Variants in ANK3 observed in about 807,000 individuals in gnomAD.
The protein encoded by ANK3 is ankyrin 3.
Under a neutral mutation model 370.9 loss-of-function variants are expected in ANK3, and 57 were observed. The observed-to-expected ratio is 0.15, with a 90% CI of 0.12 to 0.19. The LOEUF is 0.19. ANK3 is among the 10% of genes least tolerant of loss of function. ANK3 has a pLI of 1.00. For missense variants in ANK3, 4,439 were observed against 5,302.1 expected (o/e 0.84, Z 5.06); for synonymous variants, 1,929 against 1,946.3 (o/e 0.99, Z 0.23).
intron 42 of ANK3, among the ~76,000 whole-genome samples, chr10:60,045,981 A>C (rs1246749048): frequency 6.6e-6 from 1 of 152,044 alleles, no homozygotes; most frequent in African/African-American, 2.4e-5. Context: ...ATAGTTCATG[A>C]CAATGGGCGG....
chr10:60,351,062 A>T (rs1349162848), intron 1 of ANK3, among the ~76,000 whole-genome samples: 1 of 152,246 alleles, frequency 6.6e-6, no homozygotes, highest in Non-Finnish European at 1.5e-5. Flanking sequence ...TTGGAATTTA[A>T]ACAATGACAA....
chr10:60,611,238 A>C (rs2078197339), intron 2 of ANK3, among the ~76,000 whole-genome samples: 1 of 152,120 alleles, frequency 6.6e-6, no homozygotes, highest in Non-Finnish European at 1.5e-5. Flanking sequence ...CAAAATGAAA[A>C]CAGGAGTCTT....
intron 1 of ANK3, among the ~76,000 whole-genome samples, chr10:60,650,364 T>C (rs1198245158): frequency 2.8e-5 from 1 of 35,368 alleles, no homozygotes; most frequent in Admixed American, 3.6e-4. Flanking sequence ...TCTACTACTT[T>C]ACAAAAAAAA....
chr10:60,501,777 C>T (rs75377991), intron 2 of ANK3, among the ~76,000 whole-genome samples: 11,980 of 151,100 alleles, frequency 0.079, 613 homozygotes, highest in South Asian at 0.18. Flanking sequence ...AGTTTGAGAC[C>T]AGCCTGGGTA....
At chr10:60,108,396 T>C in intron 27 of ANK3, 1 of 237,634 alleles carries the variant, frequency 4.2e-6, no homozygotes, top group Non-Finnish European at 8.6e-6. Context: ...CCTCAGAAAA[T>C]GAATTAAATT....
rs530997105 is a variant in ANK3 at position 60,226,249 on chromosome 10, A to G, written c.897+8439T>C. 3.3e-5 allele frequency among the ~76,000 whole-genome samples: 4 copies of G among 120,790 alleles called. No homozygotes were observed. In the South Asian group the frequency reaches 9.7e-4, roughly 29 times the overall value. 79.2% of individuals were successfully genotyped at this position (120,790 alleles called of 152,430 possible). A position where few individuals can be genotyped will look rare whatever the true frequency, so the allele number is the denominator to read the frequency against. ...ATACTATGTATATATACTATATTAT[A>G]TAGTATATGTAATACTATATATACT... On this transcript the variant is annotated intron_variant, in intron 8 of 43. Transcript: ENST00000280772.
chr10:60,510,146 C>T (rs141098631), intron 2 of ANK3, among the ~76,000 whole-genome samples: 46 of 152,114 alleles, frequency 3.0e-4, no homozygotes, highest in African/African-American at 1.1e-3. Context: ...AGTCAAATCT[C>T]CCCTTACAAA....
chr10:60,498,954 C>G (rs1046477072), intron 2 of ANK3, among the ~76,000 whole-genome samples: 1 of 152,182 alleles, frequency 6.6e-6, no homozygotes, highest in Non-Finnish European at 1.5e-5. Context: ...CTTGTCACAT[C>G]AAGCAATTAA....
intron 1 of ANK3, among the ~76,000 whole-genome samples, chr10:60,336,564 G>GATCTATCT (rs78424635): frequency 0.036 from 5,411 of 150,564 alleles, 124 homozygotes; most frequent in Middle Eastern, 0.059. Flanking sequence ...GGAATCTGGA[G>GATCTATCT]ATCTATCTAT....
intron 7 of ANK3, among the ~76,000 whole-genome samples, chr10:60,257,073 G>A (rs910627086): frequency 8.5e-5 from 13 of 152,232 alleles, no homozygotes; most frequent in South Asian, 2.1e-4. Context: ...ACTAATTTAC[G>A]TTCCTACCAA....
chr10:60,060,217 A>G (rs2080105814), intron 40 of ANK3: 1 of 388,368 alleles, frequency 2.6e-6, no homozygotes, highest in African/African-American at 2.1e-5. Context: ...ACTAATTAAG[A>G]TATCAATTGT....
intron 40 of ANK3, 138 bp from the exon 41 acceptor site, chr10:60,059,568 ATCATCTCC>A (rs2079928242): frequency 1.6e-6 from 2 of 1,246,262 alleles, no homozygotes; most frequent in East Asian, 4.7e-5. Flanking sequence ...TTTCTCTTCC[ATCATCTCC>A]TCATCAGGAC....
chr10:60,408,965 T>C (rs1031063545), intron 2 of ANK3, among the ~76,000 whole-genome samples: 13 of 152,156 alleles, frequency 8.5e-5, no homozygotes, highest in African/African-American at 2.9e-4. Flanking sequence ...AAACAAACAG[T>C]CATGGAGCAA....
At chr10:60,367,727 C>T (rs2132767392) in intron 1 of ANK3, among the ~76,000 whole-genome samples, 1 of 152,324 alleles carries the variant, frequency 6.6e-6, no homozygotes, top group South Asian at 2.1e-4. Flanking sequence ...CCCCCTGCTG[C>T]ACTGCAGATC....
chr10:60,575,447 T>C (rs1403132132), intron 2 of ANK3, among the ~76,000 whole-genome samples: 2 of 152,188 alleles, frequency 1.3e-5, no homozygotes, highest in African/African-American at 4.8e-5. Flanking sequence ...CTTTGAATAA[T>C]ATTTCAAGAT....
At chr10:60,363,958 G>A (rs1484381823) in intron 1 of ANK3, among the ~76,000 whole-genome samples, 1 of 140,324 alleles carries the variant, frequency 7.1e-6, no homozygotes, top group Non-Finnish European at 1.6e-5. Flanking sequence ...TTAAAAAAGA[G>A]GAAGGAGAAG....
chr10:60,540,982 A>G (rs1567131001), intron 2 of ANK3, among the ~76,000 whole-genome samples: 4 of 152,090 alleles, frequency 2.6e-5, no homozygotes, highest in Admixed American at 2.0e-4. Context: ...GAAATAACAA[A>G]TATATATCAA....
intron 2 of ANK3, chr10:60,508,410 G>A (rs2075993928): frequency 6.6e-6 from 1 of 152,644 alleles, no homozygotes; most frequent in Admixed American, 6.6e-5. Context: ...CGGGAGTCAG[G>A]GAATGAAGGG....
In ANK3 at chr10:60,459,415, C is replaced by T. The variant is rs993869866; in HGVS notation, c.96+155771G>A. Among the ~76,000 whole-genome samples, 3 of 152,194 alleles carry T rather than the reference C, an allele frequency of 2.0e-5. No individual in the cohort carries two copies. The South Asian group carries it at 6.2e-4, about 31-fold the overall frequency. ...ACTAGGAACTTCAACCTGACAATCA[C>T]ATAATGGATGTGGTGAGGCACTCTG... is the stretch of plus-strand genomic sequence containing the variant. On this transcript the variant is annotated intron_variant, in intron 2 of 43. Transcript: ENST00000373827.
Sources: gnomAD v4.1 joint callset for allele counts (sites outside exome capture counted in the v4.1 genomes callset) on GRCh38, gnomAD v4.1.1 for gene constraint, MANE v1.5 for transcripts, NCBI Gene and HGNC (gene_info 2026-07-23, HGNC 2026-07-21) for gene names.